GLIS3: variants seen among roughly 807,000 people sequenced by gnomAD.
GLIS3 encodes zinc finger protein GLIS3.
A neutral mutation model predicts 78.6 loss-of-function variants in GLIS3; 53 were observed. The observed-to-expected ratio is 0.67, with a 90% confidence interval of 0.54 to 0.85. The LOEUF is 0.85. Among genes scored for constraint, GLIS3 ranks in the 40% least tolerant of loss-of-function variants. The pLI is 0.00. For synonymous variants in GLIS3, 684 were observed against 509.9 expected, an observed-to-expected ratio of 1.34 and a Z score of -4.60; for missense variants, 1,703 against 1,231.1, an observed-to-expected ratio of 1.38 and a Z score of -5.74.
At chr9:4,353,993 A>ATTTTTTTTTTTTTTTTTTT in the GLIS3 span, among the ~76,000 whole-genome samples, 9 of 135,754 alleles carry the variant, frequency 6.6e-5, no homozygotes, top group Non-Finnish European at 7.9e-5. Flanking sequence ...ACACCCGGCT[A>ATTTTTTTTTTTTTTTTTTT]TTTTTTTTTT....
chr9:4,106,670 G>A (rs1050897917), intron 4 of GLIS3, among the ~76,000 whole-genome samples: 10 of 152,288 alleles, frequency 6.6e-5, no homozygotes, highest in Middle Eastern at 3.4e-3. Context: ...ACCACATTGT[G>A]TGTATCAAAT....
At chr9:3,947,703 C>T (rs1174194767) in intron 4 of GLIS3, among the ~76,000 whole-genome samples, 4 of 152,184 alleles carry the variant, frequency 2.6e-5, no homozygotes, top group Admixed American at 2.0e-4. Flanking sequence ...TTTTTAATGG[C>T]TCTTGCTATT....
At chr9:4,383,468 T>A in the GLIS3 span, among the ~76,000 whole-genome samples, 3 of 152,230 alleles carry the variant, frequency 2.0e-5, no homozygotes, top group Non-Finnish European at 2.9e-5. Flanking sequence ...AAAGATAACA[T>A]AGAACTCTTC....
At chr9:4,338,004 A>C (rs1328902469) in intron 2 of GLIS3, among the ~76,000 whole-genome samples, 1 of 150,806 alleles carries the variant, frequency 6.6e-6, no homozygotes, top group Non-Finnish European at 1.5e-5. Flanking sequence ...TCTAATGTCT[A>C]ACTGGTAAGA....
intron 2 of GLIS3, among the ~76,000 whole-genome samples, chr9:4,265,658 T>G (rs1475761980): frequency 6.6e-6 from 1 of 152,158 alleles, no homozygotes; most frequent in Non-Finnish European, 1.5e-5. Flanking sequence ...CAAATATAGT[T>G]CAACAAAGAC....
chr9:4,422,771 G>C, the GLIS3 span, among the ~76,000 whole-genome samples: 1 of 152,192 alleles, frequency 6.6e-6, no homozygotes. Flanking sequence ...GCTGGGGGCG[G>C]GGCAGCCCAG....
At chr9:4,114,084 C>T (rs953903957) in intron 4 of GLIS3, among the ~76,000 whole-genome samples, 1 of 152,146 alleles carries the variant, frequency 6.6e-6, no homozygotes, top group African/African-American at 2.4e-5. Context: ...TTCAGTCGTA[C>T]GTGAAGGCAA....
chr9:4,457,456 T>C, the GLIS3 span, among the ~76,000 whole-genome samples: 1 of 152,126 alleles, frequency 6.6e-6, no homozygotes, highest in African/African-American at 2.4e-5. Flanking sequence ...TAGTGAGCTC[T>C]AGCTGAACAT....
chr9:4,473,454 C>CACCAAA, the GLIS3 span, among the ~76,000 whole-genome samples: 6 of 58,888 alleles, frequency 1.0e-4, no homozygotes, highest in Non-Finnish European at 2.3e-4. Context: ...TCAACAACAA[C>CACCAAA]AACAACAAAA....
intron 4 of GLIS3, among the ~76,000 whole-genome samples, chr9:4,086,117 C>T (rs960575755): frequency 2.0e-5 from 3 of 152,146 alleles, no homozygotes; most frequent in African/African-American, 2.4e-5. Context: ...ACAATTTGAC[C>T]TCAACCACCA....
At chr9:3,900,520 A>G (rs897962516) in intron 6 of GLIS3, among the ~76,000 whole-genome samples, 2 of 152,146 alleles carry the variant, frequency 1.3e-5, no homozygotes, top group Non-Finnish European at 2.9e-5. Context: ...ATATAAAACA[A>G]ATAGCATTAT....
At chr9:4,487,617 C>T in the GLIS3 span, among the ~76,000 whole-genome samples, 1 of 151,908 alleles carries the variant, frequency 6.6e-6, no homozygotes, top group South Asian at 2.1e-4. Flanking sequence ...TTTCTCCCCT[C>T]AGGAATGTTT....
At chr9:4,449,697 C>A in the GLIS3 span, among the ~76,000 whole-genome samples, 14 of 152,162 alleles carry the variant, frequency 9.2e-5, 1 homozygote, top group Admixed American at 8.5e-4. Flanking sequence ...GATACCTAGG[C>A]AAGAGGGTCT....
the GLIS3 span, among the ~76,000 whole-genome samples, chr9:4,436,682 T>G: frequency 6.6e-6 from 1 of 151,908 alleles, no homozygotes; most frequent in Admixed American, 6.6e-5. Flanking sequence ...GGCGGGCACC[T>G]ATAATCCCAA....
intron 4 of GLIS3, among the ~76,000 whole-genome samples, chr9:3,943,462 T>C (rs557157551): frequency 6.6e-6 from 1 of 152,278 alleles, no homozygotes; most frequent in African/African-American, 2.4e-5. Flanking sequence ...AACTCAGGAG[T>C]TACTGTGTTT....
intron 4 of GLIS3, among the ~76,000 whole-genome samples, chr9:4,112,016 T>C (rs950047038): frequency 1.3e-5 from 2 of 152,230 alleles, no homozygotes; most frequent in Non-Finnish European, 2.9e-5. Flanking sequence ...CATTTTCTAT[T>C]AAAAGCTGAA....
At chr9:3,843,038 G>A (rs2130093468) in intron 9 of GLIS3, among the ~76,000 whole-genome samples, 1 of 152,264 alleles carries the variant, frequency 6.6e-6, no homozygotes, top group East Asian at 1.9e-4. Context: ...CTCTCCCAAT[G>A]CCTGTCTCTC....
At chr9:4,259,155 C>G (rs188612855) in intron 2 of GLIS3, among the ~76,000 whole-genome samples, 1 of 152,132 alleles carries the variant, frequency 6.6e-6, no homozygotes, top group African/African-American at 2.4e-5. Flanking sequence ...TTTTAGTATT[C>G]TGCAAGACTC....
chr9:3,959,793 T>A (rs1817420961), intron 4 of GLIS3, among the ~76,000 whole-genome samples: 2 of 152,158 alleles, frequency 1.3e-5, no homozygotes, highest in South Asian at 4.1e-4. Context: ...TTTCCAGAGG[T>A]AACCAAATTA....
Sources: gnomAD v4.1 joint callset for allele counts (sites outside exome capture counted in the v4.1 genomes callset) on GRCh38, gnomAD v4.1.1 for gene constraint, MANE v1.5 for transcripts, NCBI Gene and HGNC (gene_info 2026-07-23, HGNC 2026-07-21) for gene names.